HAPLN3: variants seen among roughly 807,000 people sequenced by gnomAD.
HAPLN3 encodes the protein hyaluronan and proteoglycan link protein 3.
HAPLN3 carries 28 observed loss-of-function variants against 28.1 expected under a neutral mutation model. That is an observed-to-expected ratio of 1.00 (90% confidence interval 0.74 to 1.37). The LOEUF is 1.37. HAPLN3 is among the 40% of genes most tolerant of loss of function. The probability of loss-of-function intolerance (pLI) is 0.00; values close to 1 mark genes in which losing one functional copy is unlikely to be tolerated. For missense variants in HAPLN3, 513 were observed against 504.6 expected, an observed-to-expected ratio of 1.02 and a Z score of -0.16; for synonymous variants, 211 against 213.1, an observed-to-expected ratio of 0.99 and a Z score of 0.09.
intron 1 of HAPLN3, among the ~76,000 whole-genome samples, chr15:88,890,602 T>A (rs1185468872): frequency 1.3e-5 from 2 of 152,160 alleles, no homozygotes; most frequent in African/African-American, 4.8e-5. Flanking sequence ...ATTTCCAGCC[T>A]CCCTCGCAGC....
chr15:88,883,072 GCAGGAGACAGA>G (rs1897750319), intron 2 of HAPLN3, among the ~76,000 whole-genome samples: 1 of 152,234 alleles, frequency 6.6e-6, no homozygotes, highest in African/African-American at 2.4e-5. Context: ...TCATGGGTAA[GCAGGAGACAGA>G]CAGGGAGGTT....
At chr15:88,886,366 AAG>A (rs1555459158) in intron 2 of HAPLN3, among the ~76,000 whole-genome samples, 2 of 151,430 alleles carry the variant, frequency 1.3e-5, no homozygotes, top group African/African-American at 4.9e-5. Context: ...AAAAAAAAAA[AAG>A]GTATATTTTC....
rs1477681157 is a variant in HAPLN3 at position 88,881,556 on chromosome 15, C to G, written c.294G>C (p.Glu98Asp). The G allele has an allele frequency of 6.2e-7, 1 of 1,614,132 alleles. No homozygotes were observed. The highest frequency in any genetic ancestry group is 8.5e-7 in the Non-Finnish European group (1 of 1,180,056). Residue 98 changes from glutamate (E) to aspartate (D), a missense_variant, in exon 3 of 5, where the codon GAG (glutamate) becomes GAC (aspartate). By Grantham distance (45) the Glu-to-Asp change is conservative. Coordinates refer to ENST00000359595, the MANE Select transcript of HAPLN3 (RefSeq NM_178232.4). This position sits in a 1 kb window ranked among gnomAD's most constrained non-coding sequence, Gnocchi z 6.0. Reference protein sequence around the residue: ...WWKLSENGAPEKDVLVAIGLR... With the variant: ...WWKLSENGAPDKDVLVAIGLR... The stretch of plus-strand genomic sequence containing the variant: ...GCCCGATGGCCACCAGCACGTCCTT[C>G]TCTGGGGCCCCGTTCTCCGACAGCT...
chr15:88,879,565 G>C lies in HAPLN3; in HGVS notation c.494-296C>G. 7.2e-7 allele frequency: 1 copy of C among 1,397,718 alleles called. No homozygotes were observed. The highest frequency in any genetic ancestry group is 9.4e-7 in the Non-Finnish European group (1 of 1,058,636). 86.6% of individuals were successfully genotyped at this position (1,397,718 alleles called of 1,614,324 possible). A position where few individuals can be genotyped will look rare whatever the true frequency, so the allele number is the denominator to read the frequency against. On this transcript the variant is annotated intron_variant, in intron 3 of 4. Transcript: ENST00000359595. The surrounding 1 kb of genome is among the most constrained non-coding windows in gnomAD (Gnocchi z 5.0). ...CCGCAAGGCTGTCGCCAGACCCCCAGTGAGGCTGTGCCATCTTCTCCAGAC... is the reference window on the plus strand; with the variant it reads ...CCGCAAGGCTGTCGCCAGACCCCCACTGAGGCTGTGCCATCTTCTCCAGAC...
rs1432339636 is a variant in HAPLN3, at chr15:88,880,796, A to C, written c.493+561T>G. On this transcript the variant is annotated intron_variant, in intron 3 of 4. Coordinates refer to ENST00000359595, the MANE Select transcript of HAPLN3 (RefSeq NM_178232.4). This position sits in a 1 kb window ranked among gnomAD's most constrained non-coding sequence, Gnocchi z 6.0. ...GAGGTTTTTACATAAAAATCAGGAGATCTCACATAAAAATATAAGCTTATC... is the reference window on the plus strand; with the variant it reads ...GAGGTTTTTACATAAAAATCAGGAGCTCTCACATAAAAATATAAGCTTATC... Among the ~76,000 whole-genome samples, 2 of 151,712 alleles carry C rather than the reference A, an allele frequency of 1.3e-5. No homozygotes were observed.
In HAPLN3 at chr15:88,880,596, A is replaced by T. The variant is rs1244485953; in HGVS notation, c.493+761T>A. On this transcript the variant is annotated intron_variant, in intron 3 of 4. Coordinates refer to ENST00000359595, the MANE Select transcript of HAPLN3 (RefSeq NM_178232.4). The surrounding 1 kb of genome is among the most constrained non-coding windows in gnomAD (Gnocchi z 6.0). Reference sequence around the variant, plus strand: ...CCTAACATGTGGGAGAGATGTGAGGACACACAGCCCCATCCTAGAGACAGA... The same window carrying T: ...CCTAACATGTGGGAGAGATGTGAGGTCACACAGCCCCATCCTAGAGACAGA... The T allele has an allele frequency of 7.8e-7, 1 of 1,288,666 alleles. No homozygotes were observed. The highest frequency in any genetic ancestry group is 2.3e-5 in the Admixed American group (1 of 43,516). 79.8% of individuals were successfully genotyped at this position (1,288,666 alleles called of 1,614,324 possible). A position where few individuals can be genotyped will look rare whatever the true frequency, so the allele number is the denominator to read the frequency against.
chr15:88,892,984 G>A (rs1898051419), intron 1 of HAPLN3: 1 of 1,535,620 alleles, frequency 6.5e-7, no homozygotes, highest in Admixed American at 2.0e-5. Flanking sequence ...CTTGGCAGTG[G>A]ATAGTTCCCC....
intron 4 of HAPLN3, among the ~76,000 whole-genome samples, 182 bp from the exon 5 acceptor site, chr15:88,878,438 T>C (rs185370185): frequency 6.6e-6 from 1 of 152,256 alleles, no homozygotes; most frequent in Admixed American, 6.5e-5. Flanking sequence ...CCACCTGCCA[T>C]AGAACCCAGG....
Position 88,881,388 on chromosome 15 carries a change from A to G in HAPLN3, c.462T>C (p.Asp154=). 2 of 1,613,496 alleles carry G rather than the reference A, an allele frequency of 1.2e-6. No homozygotes were observed. The highest frequency in any genetic ancestry group is 1.7e-5 in the Admixed American group (1 of 59,988). ...GCTCCAGCTCCACCAGACCGCTTTC[A>G]TCCTCCAGCCCGTCAATGACCTCAC... ...YRCEVIDGLE[D]ESGLVELELR... is the part of the protein sequence containing the mutation. Residue 154 remains aspartate, a synonymous_variant, in exon 3 of 5, where the codon GAT becomes GAC. Coordinates refer to ENST00000359595, the MANE Select transcript of HAPLN3 (RefSeq NM_178232.4). The surrounding 1 kb of genome is among the most constrained non-coding windows in gnomAD (Gnocchi z 6.0).
intron 2 of HAPLN3, among the ~76,000 whole-genome samples, chr15:88,884,065 C>G (rs1309579182): frequency 4.0e-5 from 6 of 150,148 alleles, no homozygotes; most frequent in Non-Finnish European, 7.4e-5. Flanking sequence ...AGAGTGAGAC[C>G]CTGTCTCAAA....
chr15:88,880,464 C>G lies in HAPLN3; in HGVS notation c.493+893G>C. 1.6e-6 allele frequency: 2 copies of G among 1,228,904 alleles called. No individual in the cohort carries two copies. The highest frequency in any genetic ancestry group is 2.1e-6 in the Non-Finnish European group (2 of 953,166). 76.1% of individuals were successfully genotyped at this position (1,228,904 alleles called of 1,614,324 possible). A position where few individuals can be genotyped will look rare whatever the true frequency, so the allele number is the denominator to read the frequency against. On this transcript the variant is annotated intron_variant, in intron 3 of 4. Coordinates refer to ENST00000359595, the MANE Select transcript of HAPLN3 (RefSeq NM_178232.4). The surrounding 1 kb of genome is among the most constrained non-coding windows in gnomAD (Gnocchi z 6.0). Reference sequence around the variant, plus strand: ...AAGATTGTGATACCCCATTTTACACCTGAGAGGCCCAGGGCTCTAAGGGGG... The same window carrying G: ...AAGATTGTGATACCCCATTTTACACGTGAGAGGCCCAGGGCTCTAAGGGGG...
Position 88,881,311 on chromosome 15 carries a change from T to C in HAPLN3, c.493+46A>G. On this transcript the variant is annotated intron_variant, in intron 3 of 4. Transcript: ENST00000359595. The surrounding 1 kb of genome is among the most constrained non-coding windows in gnomAD (Gnocchi z 6.0). Reference sequence around the variant, plus strand: ...GGATGTTTTCTCTGGTCCTCTCCCCTCTGCTCTCAGGTCCCAGTGTCACCC... The same window carrying C: ...GGATGTTTTCTCTGGTCCTCTCCCCCCTGCTCTCAGGTCCCAGTGTCACCC... The C allele has an allele frequency of 1.3e-6, 2 of 1,572,646 alleles. No homozygotes were observed. The highest frequency in any genetic ancestry group is 1.7e-6 in the Non-Finnish European group (2 of 1,159,436).
chr15:88,879,673 A>G lies in HAPLN3; in HGVS notation c.494-404T>C. 3 of 1,188,122 alleles carry G rather than the reference A, an allele frequency of 2.5e-6. No homozygotes were observed. Among genetic ancestry groups the G allele is most frequent in the Admixed American group, 3.7e-5 (1 of 26,860 alleles). The allele number at this position is 1,188,122 out of a possible 1,614,324, so 73.6% of individuals were successfully genotyped here. On this transcript the variant is annotated intron_variant, in intron 3 of 4. Coordinates refer to ENST00000359595, the MANE Select transcript of HAPLN3 (RefSeq NM_178232.4). The surrounding 1 kb of genome is among the most constrained non-coding windows in gnomAD (Gnocchi z 5.0). Reference sequence around the variant, plus strand: ...CTGGGACCCGATCGTCTACGTTATTATGAATGTGGAAATTTCCTAGGAAAA... The same window carrying G: ...CTGGGACCCGATCGTCTACGTTATTGTGAATGTGGAAATTTCCTAGGAAAA...
intron 1 of HAPLN3, among the ~76,000 whole-genome samples, chr15:88,893,430 T>A (rs8029546): frequency 0.3 from 44,236 of 148,694 alleles, 6,543 homozygotes; most frequent in African/African-American, 0.35. Flanking sequence ...AAAAAAAAAA[T>A]GGGCTGTGGT....
rs755978811 is a variant in HAPLN3 at position 88,878,094 on chromosome 15, C to CTA, written c.957_958dup (p.Ser320IlefsTer72). ...CGGGTGAACCACAGGGTAGCGGACG[C>CTA]TACCATCTGCCAGCCAGCCAGCGTC... On this transcript the variant is annotated frameshift_variant, in exon 5 of 5. Coordinates refer to ENST00000359595, the MANE Select transcript of HAPLN3 (RefSeq NM_178232.4). LOFTEE classifies it low-confidence loss of function (END_TRUNC). 5.0e-6 allele frequency: 8 copies of CTA among 1,614,052 alleles called. No homozygotes were observed. In the South Asian group the frequency reaches 8.8e-5, roughly 18 times the overall value.
intron 1 of HAPLN3, among the ~76,000 whole-genome samples, chr15:88,889,627 C>T (rs1897958180): frequency 6.6e-6 from 1 of 152,172 alleles, no homozygotes; most frequent in African/African-American, 2.4e-5. Context: ...TGAGCCACCA[C>T]ACCTGGCCAG....
At chr15:88,886,739 C>T (rs554017956) in intron 2 of HAPLN3, among the ~76,000 whole-genome samples, 2 of 152,276 alleles carry the variant, frequency 1.3e-5, no homozygotes, top group East Asian at 1.9e-4. Context: ...GCAGGAGAAT[C>T]GCTTGAACCC....
rs1897642143 is a variant in HAPLN3 at position 88,879,617 on chromosome 15, C to T, written c.494-348G>A. Reference sequence around the variant, plus strand: ...GGCCCGGGCTTTGGGCTCTAGGGGCCAGGTTTGACTCCCAGCTCCCCACTC... The same window carrying T: ...GGCCCGGGCTTTGGGCTCTAGGGGCTAGGTTTGACTCCCAGCTCCCCACTC... On this transcript the variant is annotated intron_variant, in intron 3 of 4. Coordinates refer to ENST00000359595, the MANE Select transcript of HAPLN3 (RefSeq NM_178232.4). The surrounding 1 kb of genome is among the most constrained non-coding windows in gnomAD (Gnocchi z 5.0). 1 of 1,271,638 alleles carries T rather than the reference C, an allele frequency of 7.9e-7. No homozygotes were observed. Among genetic ancestry groups the T allele is most frequent in the Non-Finnish European group, 1.0e-6 (1 of 991,810 alleles). 78.8% of individuals were successfully genotyped at this position (1,271,638 alleles called of 1,614,324 possible).
At position 88,881,375 on chromosome 15, in the gene HAPLN3, C is replaced by T. The variant is rs761561621; in HGVS notation, c.475G>A (p.Val159Met). 1.9e-6 allele frequency: 3 copies of T among 1,612,716 alleles called. No homozygotes were observed. The South Asian group carries it at 3.3e-5, about 18-fold the overall frequency. Residue 159 changes from valine to methionine, a missense_variant, in exon 3 of 5, where the codon GTG becomes ATG. Val to Met is a conservative substitution (Grantham distance 21). Coordinates refer to ENST00000359595, the MANE Select transcript of HAPLN3 (RefSeq NM_178232.4). The surrounding 1 kb of genome is among the most constrained non-coding windows in gnomAD (Gnocchi z 6.0). ...IDGLEDESGL[V>M]ELELRGVVFP... ...ATCTCACCCCGCAGCTCCAGCTCCA[C>T]CAGACCGCTTTCATCCTCCAGCCCG... is the stretch of plus-strand genomic sequence containing the variant.
Sources: gnomAD v4.1 joint callset for allele counts (sites outside exome capture counted in the v4.1 genomes callset) on GRCh38, gnomAD v4.1.1 for gene constraint, Gnocchi (gnomAD v3.1) non-coding constraint, MANE v1.5 for transcripts, NCBI Gene and HGNC (gene_info 2026-07-23, HGNC 2026-07-21) for gene names.